AQP8: variants seen among roughly 807,000 people sequenced by gnomAD.
AQP8 encodes the protein aquaporin 8, also known as aquaporin-8.
A neutral mutation model predicts 26.1 loss-of-function variants in AQP8; 14 were observed. The observed-to-expected ratio is 0.54, with a 90% CI of 0.35 to 0.84. AQP8 has a LOEUF of 0.84. Among genes scored for constraint, AQP8 ranks in the 40% least tolerant of loss-of-function variants. The pLI is 0.01. For missense variants in AQP8, 301 were observed against 340.5 expected (o/e 0.88, Z 0.91); for synonymous variants, 131 against 150.7 (o/e 0.87, Z 0.96).
At chr16:25,223,412 A>AT (rs1962589804) in intron 3 of AQP8, among the ~76,000 whole-genome samples, 1 of 152,220 alleles carries the variant, frequency 6.6e-6, no homozygotes, top group African/African-American at 2.4e-5. Context: ...AGAGTAAGGT[A>AT]TTTTTAGCCA....
At chr16:25,225,694 C>T (rs1051213224) in intron 4 of AQP8, among the ~76,000 whole-genome samples, 1 of 152,102 alleles carries the variant, frequency 6.6e-6, no homozygotes, top group African/African-American at 2.4e-5. Context: ...CAGGCTGAGC[C>T]ACCGCGCCCC....
chr16:25,226,700 G>A lies in AQP8; in HGVS notation c.603-368G>A, dbSNP rs558816979. On this transcript the variant is annotated intron_variant, in intron 4 of 5. Coordinates refer to ENST00000219660, the MANE Select transcript of AQP8 (RefSeq NM_001169.3). ...CTTTTTGTTATTTTATAATGTGTGG[G>A]CTGGGTTTTGAATCTAGGTCAGCTT... 3.9e-5 allele frequency among the ~76,000 whole-genome samples: 6 copies of A among 152,304 alleles called. No homozygotes were observed. In the South Asian group the frequency reaches 1.2e-3, roughly 32 times the overall value.
rs572775362 is a variant in AQP8, at chr16:25,224,579, G to C, written c.602+3G>C. 6.2e-7 allele frequency: 1 copy of C among 1,608,898 alleles called. No homozygotes were observed. The highest frequency in any genetic ancestry group is 2.2e-5 in the East Asian group (1 of 44,878). On this transcript the variant is annotated splice_donor_region_variant and intron_variant, in intron 4 of 5. Coordinates refer to ENST00000219660, the MANE Select transcript of AQP8 (RefSeq NM_001169.3). The stretch of plus-strand genomic sequence containing the variant: ...GTCACCGTGGATATCCTGGCTGGGT[G>C]AGTGTCCCTTGGCAGTGGGGTGACC...
intron 1 of AQP8, 51 bp from the exon 2 acceptor site, chr16:25,217,147 A>G (rs1286159375): frequency 3.1e-6 from 5 of 1,613,264 alleles, no homozygotes. Context: ...GGCCTTCTAT[A>G]TCTGGACTTG....
rs550698705 is a variant in AQP8, at chr16:25,218,833, T to C, written c.260+1388T>C. On this transcript the variant is annotated intron_variant, in intron 2 of 5. Coordinates refer to ENST00000219660, the MANE Select transcript of AQP8 (RefSeq NM_001169.3). ...GGGAGAGGTTGCAGTGAGCCGAGAT[T>C]GTGCCACTGCACTCCAGCCTGGGCA... 3.3e-5 allele frequency among the ~76,000 whole-genome samples: 5 copies of C among 151,274 alleles called. No homozygotes were observed. In the South Asian group the frequency reaches 1.0e-3, roughly 31 times the overall value.
intron 2 of AQP8, among the ~76,000 whole-genome samples, chr16:25,220,074 C>T (rs116226570): frequency 0.031 from 4,753 of 150,938 alleles, 108 homozygotes; most frequent in African/African-American, 0.046. Flanking sequence ...TCAAATCAAA[C>T]CGTGCATGGA....
chr16:25,228,681 T>C lies in AQP8; in HGVS notation c.*189T>C, dbSNP rs1296627960. 3.4e-6 allele frequency: 2 copies of C among 594,518 alleles called. No homozygotes were observed. Among genetic ancestry groups the C allele is most frequent in the African/African-American group, 3.7e-5 (2 of 53,604 alleles). The allele number at this position is 594,518 out of a possible 1,614,324, so 36.8% of individuals were successfully genotyped here. ...GAGGCTCTAGGTTCTTGGAATTCCT[T>C]TGTGCTCATCAGAGACCCCAGCCTG... On this transcript the variant is annotated 3_prime_UTR_variant, in exon 6 of 6. Coordinates refer to ENST00000219660, the MANE Select transcript of AQP8 (RefSeq NM_001169.3).
chr16:25,222,822 C>T (rs1380176862), intron 3 of AQP8, among the ~76,000 whole-genome samples: 1 of 152,122 alleles, frequency 6.6e-6, no homozygotes, highest in East Asian at 1.9e-4. Flanking sequence ...AATTTGAGAG[C>T]CACAGCCTGT....
At chr16:25,218,113 C>A (rs1163882129) in intron 2 of AQP8, among the ~76,000 whole-genome samples, 4 of 152,150 alleles carry the variant, frequency 2.6e-5, no homozygotes, top group African/African-American at 9.7e-5. Flanking sequence ...CTGTCTGGCT[C>A]CAGCGCTCAA....
At chr16:25,218,936 C>T (rs893792196) in intron 2 of AQP8, among the ~76,000 whole-genome samples, 2 of 151,312 alleles carry the variant, frequency 1.3e-5, no homozygotes, top group African/African-American at 4.9e-5. Context: ...TTTAGACGTC[C>T]AAGGGAGGCT....
intron 2 of AQP8, among the ~76,000 whole-genome samples, chr16:25,218,747 G>A (rs1023536581): frequency 2.6e-5 from 4 of 151,534 alleles, no homozygotes; most frequent in Admixed American, 2.6e-4. Flanking sequence ...GGGCGTGGGG[G>A]CAGGCACCTG....
At chr16:25,222,399 C>T (rs756397765) in intron 3 of AQP8, among the ~76,000 whole-genome samples, 5 of 151,714 alleles carry the variant, frequency 3.3e-5, no homozygotes, top group Admixed American at 6.6e-5. Context: ...TAGAGGTGGG[C>T]TCTCGCTGTG....
chr16:25,217,134 C>G, intron 1 of AQP8, 64 bp from the exon 2 acceptor site: 1 of 1,613,232 alleles, frequency 6.2e-7, no homozygotes, highest in Non-Finnish European at 8.5e-7. Context: ...GGTTGGGGGT[C>G]GGGGCCTTCT....
At chr16:25,226,683 T>C (rs1597631245) in intron 4 of AQP8, among the ~76,000 whole-genome samples, 1 of 152,370 alleles carries the variant, frequency 6.6e-6, no homozygotes, top group East Asian at 1.9e-4. Context: ...CACTTTTTGT[T>C]ATTTTATAAT....
intron 3 of AQP8, among the ~76,000 whole-genome samples, chr16:25,222,962 A>G (rs1597629100): frequency 6.6e-6 from 1 of 152,384 alleles, no homozygotes; most frequent in East Asian, 1.9e-4. Context: ...GCGGGGCAGC[A>G]GGGTTCCCTA....
chr16:25,221,402 C>T (rs1223620548), intron 2 of AQP8, 55 bp from the exon 3 acceptor site: 2 of 1,592,576 alleles, frequency 1.3e-6, no homozygotes, highest in Non-Finnish European at 1.7e-6. Flanking sequence ...GTCTCAAGTG[C>T]CAGCCATGTG....
intron 2 of AQP8, 42 bp downstream of exon 2, chr16:25,217,487 G>T: frequency 6.2e-7 from 1 of 1,602,068 alleles, no homozygotes; most frequent in Non-Finnish European, 8.5e-7. Flanking sequence ...CTGACTTGGG[G>T]CACTGGGTGT....
chr16:25,217,600 T>C (rs1471966845), intron 2 of AQP8, among the ~76,000 whole-genome samples, 155 bp downstream of exon 2: 1 of 152,242 alleles, frequency 6.6e-6, no homozygotes, highest in African/African-American at 2.4e-5. Context: ...TGGGGTCAAC[T>C]CCAGACCCCG....
chr16:25,228,752 A>C lies in AQP8; in HGVS notation c.*260A>C. ...GCCCAGAGAGCAGTGCAAACACCAC[A>C]ACACGAGCGTGTTTCTTGAGAGGAA... On this transcript the variant is annotated 3_prime_UTR_variant, in exon 6 of 6. Transcript: ENST00000219660. 1 of 371,180 alleles carries C rather than the reference A, an allele frequency of 2.7e-6. No homozygotes were observed. Among genetic ancestry groups the C allele is most frequent in the Non-Finnish European group, 4.9e-6 (1 of 204,130 alleles). The allele number at this position is 371,180 out of a possible 1,614,324, so 23.0% of individuals were successfully genotyped here.
Sources: allele counts gnomAD v4.1 joint callset (sites outside exome capture counted in the v4.1 genomes callset), GRCh38; gene constraint gnomAD v4.1.1; transcripts MANE v1.5; gene names NCBI Gene and HGNC (gene_info 2026-07-23, HGNC 2026-07-21).